DPP10: variants seen among roughly 807,000 people sequenced by gnomAD.
DPP10 encodes inactive dipeptidyl peptidase 10.
DPP10 carries 33 observed loss-of-function variants against 120.9 expected under a neutral mutation model. The ratio of observed to expected loss-of-function variants is 0.27; its 90% CI spans 0.21 to 0.37. DPP10 has a LOEUF of 0.37. Among genes scored for constraint, DPP10 ranks in the 10% least tolerant of loss-of-function variants. The pLI is 1.00. For synonymous variants in DPP10, 337 were observed against 326.1 expected (o/e 1.03, Z -0.36); for missense variants, 816 against 942.8 (o/e 0.87, Z 1.76).
intron 5 of DPP10, among the ~76,000 whole-genome samples, chr2:115,643,370 A>G (rs1487920926): frequency 6.6e-6 from 1 of 152,200 alleles, no homozygotes; most frequent in Non-Finnish European, 1.5e-5. Flanking sequence ...TACAGTTAAC[A>G]GGATTGCTAA....
intron 5 of DPP10, among the ~76,000 whole-genome samples, chr2:115,543,717 T>C (rs1042925645): frequency 2.0e-5 from 3 of 151,994 alleles, no homozygotes; most frequent in African/African-American, 7.2e-5. Flanking sequence ...TTCATTTATC[T>C]GACATCGAAA....
At chr2:114,830,922 A>T (rs1357627595) in intron 1 of DPP10, among the ~76,000 whole-genome samples, 1 of 150,976 alleles carries the variant, frequency 6.6e-6, no homozygotes, top group African/African-American at 2.4e-5. Context: ...AAAAACAAGC[A>T]TTGCTCAAGC....
intron 5 of DPP10, among the ~76,000 whole-genome samples, chr2:115,582,670 A>C (rs2082066547): frequency 6.6e-6 from 1 of 152,164 alleles, no homozygotes; most frequent in Non-Finnish European, 1.5e-5. Context: ...TTATATTTCC[A>C]AGCAGTTTTT....
intron 1 of DPP10, among the ~76,000 whole-genome samples, chr2:114,956,374 G>A (rs1698200806): frequency 6.6e-6 from 1 of 151,462 alleles, no homozygotes; most frequent in Non-Finnish European, 1.5e-5. Context: ...AAAAAAACAT[G>A]TAGGAGTAAA....
At chr2:114,493,888 C>T (rs1682229238) in intron 1 of DPP10, among the ~76,000 whole-genome samples, 2 of 152,052 alleles carry the variant, frequency 1.3e-5, no homozygotes, top group Non-Finnish European at 2.9e-5. Flanking sequence ...GATACCTGGC[C>T]TCTACTGAAT....
At chr2:114,514,390 G>T (rs1161580012) in intron 1 of DPP10, among the ~76,000 whole-genome samples, 1 of 152,090 alleles carries the variant, frequency 6.6e-6, no homozygotes, top group Non-Finnish European at 1.5e-5. Flanking sequence ...GCAATGCTTT[G>T]GCACTCTACA....
intron 2 of DPP10, among the ~76,000 whole-genome samples, chr2:115,314,646 T>C (rs2061709569): frequency 6.6e-6 from 1 of 152,182 alleles, no homozygotes; most frequent in South Asian, 2.1e-4. Flanking sequence ...GAAGTGTCTC[T>C]AAGATTAAGA....
intron 1 of DPP10, among the ~76,000 whole-genome samples, chr2:115,049,044 G>A (rs67959328): frequency 0.15 from 22,087 of 151,948 alleles, 1,713 homozygotes; most frequent in African/African-American, 0.21. Flanking sequence ...TTTTAAATGA[G>A]TGATGGGTGG....
chr2:114,453,649 G>A (rs544106894), intron 1 of DPP10, among the ~76,000 whole-genome samples: 2 of 152,256 alleles, frequency 1.3e-5, no homozygotes, highest in East Asian at 3.9e-4. Context: ...GGTTAGATAT[G>A]CAACAGTTGA....
At chr2:115,161,281 G>A (rs1293004731) in intron 1 of DPP10, 2 of 152,410 alleles carry the variant, frequency 1.3e-5, no homozygotes, top group Non-Finnish European at 2.9e-5. Flanking sequence ...GGGGCTCCGG[G>A]ACCCCGGTCC....
rs571260086 is a variant in DPP10, at chr2:115,443,830, G to A, written c.272-55680G>A. 9.5e-4 allele frequency among the ~76,000 whole-genome samples: 145 copies of A among 152,264 alleles called. 1 individual carries two copies. The highest frequency in any genetic ancestry group is 3.2e-3 in the African/African-American group (133 of 41,542). ...TCTAGGTCAGAGTTTCTCAACTTGAGCACTATTGATATTTGGGCCAGAAAA... is the reference window on the plus strand; with the variant it reads ...TCTAGGTCAGAGTTTCTCAACTTGAACACTATTGATATTTGGGCCAGAAAA... On this transcript the variant is annotated intron_variant, in intron 3 of 25. Coordinates refer to ENST00000410059, the MANE Select transcript of DPP10 (RefSeq NM_020868.6).
At chr2:115,568,212 CA>C (rs2081123619) in intron 5 of DPP10, among the ~76,000 whole-genome samples, 1 of 149,972 alleles carries the variant, frequency 6.7e-6, no homozygotes, top group Non-Finnish European at 1.5e-5. Flanking sequence ...AGACTGGGAG[CA>C]GTGGCTCTCG....
intron 4 of DPP10, among the ~76,000 whole-genome samples, chr2:115,507,077 C>T (rs1165763653): frequency 6.6e-6 from 1 of 151,646 alleles, no homozygotes; most frequent in Non-Finnish European, 1.5e-5. Context: ...CCCCACCAAG[C>T]AAGCAGCACC....
At position 115,497,678 on chromosome 2, in the gene DPP10, G is replaced by C. The variant is rs994084168; in HGVS notation, c.272-1832G>C. Among the ~76,000 whole-genome samples, 9 of 152,098 alleles carry C rather than the reference G, an allele frequency of 5.9e-5. No individual in the cohort carries two copies. In the East Asian group the frequency reaches 1.8e-3, roughly 30 times the overall value. On this transcript the variant is annotated intron_variant, in intron 3 of 25. Coordinates refer to ENST00000410059, the MANE Select transcript of DPP10 (RefSeq NM_020868.6). ...ATGAGAATATTTTAAAAAATTCATA[G>C]AGGGAATAGAAGTTAGAACTCAAAG...
rs185230872 is a variant in DPP10 at position 115,723,881 on chromosome 2, T to C, written c.577-3935T>C. ...TGCAAATACTATCCCAACTCCAGTGTAACTTTACAGATCTTTCCAAACCAT... is the reference window on the plus strand; with the variant it reads ...TGCAAATACTATCCCAACTCCAGTGCAACTTTACAGATCTTTCCAAACCAT... On this transcript the variant is annotated intron_variant, in intron 7 of 25. Transcript: ENST00000410059. Among the ~76,000 whole-genome samples the C allele has an allele frequency of 8.4e-4, 128 of 152,304 alleles. 1 individual carries two copies. The highest frequency in any genetic ancestry group is 2.9e-3 in the African/African-American group (119 of 41,582).
chr2:114,820,520 GAGAC>G (rs924768080), intron 1 of DPP10, among the ~76,000 whole-genome samples: 2 of 152,168 alleles, frequency 1.3e-5, no homozygotes, highest in African/African-American at 4.8e-5. Context: ...AGACATACCT[GAGAC>G]AGGGTAATTT....
intron 1 of DPP10, among the ~76,000 whole-genome samples, chr2:114,961,947 C>T (rs969955468): frequency 6.6e-6 from 1 of 151,956 alleles, no homozygotes; most frequent in Non-Finnish European, 1.5e-5. Flanking sequence ...GAGTTAGACT[C>T]CATCTCAAAA....
intron 1 of DPP10, among the ~76,000 whole-genome samples, chr2:114,775,686 C>T (rs1039805202): frequency 5.9e-5 from 9 of 152,164 alleles, no homozygotes; most frequent in Admixed American, 3.3e-4. Context: ...ATGGCAGCAG[C>T]TTCAGAAAGG....
chr2:114,678,590 C>G (rs1287227220), intron 1 of DPP10, among the ~76,000 whole-genome samples: 2 of 151,940 alleles, frequency 1.3e-5, no homozygotes, highest in Non-Finnish European at 2.9e-5. Flanking sequence ...TATTTATTTA[C>G]AAAAGTTCTC....
Sources: allele counts gnomAD v4.1 joint callset (sites outside exome capture counted in the v4.1 genomes callset), GRCh38; gene constraint gnomAD v4.1.1; transcripts MANE v1.5; gene names NCBI Gene and HGNC (gene_info 2026-07-23, HGNC 2026-07-21).